CPS1: variants seen among roughly 807,000 people sequenced by gnomAD.
CPS1 encodes carbamoyl-phosphate synthase [ammonia], mitochondrial.
Under a neutral mutation model 174.6 loss-of-function variants are expected in CPS1, and 109 were observed. The observed-to-expected ratio is 0.62, with a 90% CI of 0.53 to 0.73. The LOEUF (loss-of-function observed/expected upper bound fraction) is 0.73. Ranked by LOEUF, CPS1 falls within the 30% of genes least tolerant of loss-of-function variation. CPS1 has a pLI of 0.00. For synonymous variants in CPS1, 637 were observed against 632.0 expected, an observed-to-expected ratio of 1.01 and a Z score of -0.12; for missense variants, 1,689 against 1,821.9, an observed-to-expected ratio of 0.93 and a Z score of 1.33.
chr2:210,579,847 GT>G, intron 5 of CPS1, 77 bp downstream of exon 5: 11 of 1,147,262 alleles, frequency 9.6e-6, no homozygotes, highest in East Asian at 2.3e-5. Context: ...GTTTCCCTCA[GT>G]GCCTAAGGGA....
chr2:210,532,708 A>G (rs946329422), intron 1 of CPS1, among the ~76,000 whole-genome samples: 1 of 152,184 alleles, frequency 6.6e-6, no homozygotes, highest in East Asian at 1.9e-4. Flanking sequence ...TTAGAAAATA[A>G]CTATTTCTAA....
At chr2:210,551,004 A>G (rs985234861) in intron 1 of CPS1, among the ~76,000 whole-genome samples, 19 of 151,916 alleles carry the variant, frequency 1.3e-4, no homozygotes, top group African/African-American at 4.1e-4. Context: ...TCTGCTTTCT[A>G]TATTGGGATT....
At chr2:210,606,030 A>G (rs1698895998) in intron 17 of CPS1, among the ~76,000 whole-genome samples, 1 of 151,930 alleles carries the variant, frequency 6.6e-6, no homozygotes, top group African/African-American at 2.4e-5. Flanking sequence ...TTTATAAAAG[A>G]GCTTTGTTTT....
At chr2:210,485,434 A>G (rs1389240864) in intron 1 of CPS1, among the ~76,000 whole-genome samples, 1 of 152,000 alleles carries the variant, frequency 6.6e-6, no homozygotes, top group East Asian at 1.9e-4. Context: ...CCTGTTTTCC[A>G]CTGACAATCT....
chr2:210,489,694 G>C (rs552129494), intron 1 of CPS1, among the ~76,000 whole-genome samples: 27 of 152,026 alleles, frequency 1.8e-4, no homozygotes, highest in African/African-American at 6.5e-4. Context: ...CAAGCTGTGG[G>C]ACTTCAATCA....
At chr2:210,506,234 G>A (rs899304245) in intron 1 of CPS1, among the ~76,000 whole-genome samples, 3 of 152,184 alleles carry the variant, frequency 2.0e-5, no homozygotes, top group South Asian at 2.1e-4. Context: ...GCCAATATCC[G>A]CTGTTCTGCA....
At chr2:210,662,217 A>G (rs931256517) in intron 32 of CPS1, among the ~76,000 whole-genome samples, 4 of 152,164 alleles carry the variant, frequency 2.6e-5, no homozygotes, top group Non-Finnish European at 5.9e-5. Context: ...TTTTAAATGC[A>G]CTGTATCTTC....
intron 6 of CPS1, among the ~76,000 whole-genome samples, chr2:210,584,601 G>A (rs960028103): frequency 2.0e-5 from 3 of 151,964 alleles, no homozygotes; most frequent in African/African-American, 7.2e-5. Context: ...TAACAACCAA[G>A]CTTTTTTGAA....
rs756701188 is a variant in CPS1 at position 210,660,487 on chromosome 2, G to A, written c.3759G>A (p.Val1253=). 1.9e-6 allele frequency: 3 copies of A among 1,614,068 alleles called. No homozygotes were observed. The Admixed American group carries it at 5.0e-5, about 27-fold the overall frequency. ...CATTTTGAATTTTATCTCTTCAGGT[G>A]ATTGAGTGTAACTTGAGAGCTTCTC... ...QFLVKGNDVL[V]IECNLRASRS... The change falls in exon 32 of 38, where the codon GTG becomes GTA. Residue 1253 remains valine (V), a splice_region_variant and synonymous_variant. Transcript: ENST00000233072.
intron 13 of CPS1, among the ~76,000 whole-genome samples, chr2:210,599,117 A>G (rs1225607635): frequency 2.0e-5 from 3 of 151,878 alleles, no homozygotes; most frequent in Non-Finnish European, 2.9e-5. Flanking sequence ...AGCTTTGCCA[A>G]CAGTGGCAAA....
chr2:210,650,196 T>C (rs1033352481), intron 27 of CPS1, among the ~76,000 whole-genome samples, 167 bp from the exon 28 acceptor site: 11 of 152,224 alleles, frequency 7.2e-5, no homozygotes, highest in African/African-American at 2.2e-4. Flanking sequence ...TTTTATACTT[T>C]GGTTGATTGT....
chr2:210,571,855 T>TGTG (rs1697502586), intron 1 of CPS1, among the ~76,000 whole-genome samples: 1 of 139,646 alleles, frequency 7.2e-6, no homozygotes, highest in Non-Finnish European at 1.6e-5. Flanking sequence ...CTACTAAAGT[T>TGTG]TGTGTGTGTG....
chr2:210,540,040 G>T (rs185057439), intron 1 of CPS1, among the ~76,000 whole-genome samples: 1 of 152,172 alleles, frequency 6.6e-6, no homozygotes, highest in Admixed American at 6.6e-5. Context: ...CTGATGTGAC[G>T]TCTGTGTTTC....
chr2:210,622,361 A>G (rs918665111), intron 21 of CPS1, among the ~76,000 whole-genome samples: 10 of 151,810 alleles, frequency 6.6e-5, no homozygotes, highest in Non-Finnish European at 1.2e-4. Flanking sequence ...ATGTAAATAT[A>G]TTAAATATAT....
intron 1 of CPS1, among the ~76,000 whole-genome samples, chr2:210,548,264 C>T (rs1294051833): frequency 6.6e-6 from 1 of 151,982 alleles, no homozygotes. Context: ...TACTGCTTGA[C>T]CTCGACTTCT....
At chr2:210,565,338 C>T (rs764994462) in intron 1 of CPS1, among the ~76,000 whole-genome samples, 5 of 151,868 alleles carry the variant, frequency 3.3e-5, no homozygotes, top group Non-Finnish European at 7.4e-5. Flanking sequence ...AATTTTTCAC[C>T]GCTTATTTTA....
At chr2:210,493,298 T>C (rs1694915287) in intron 1 of CPS1, among the ~76,000 whole-genome samples, 1 of 152,212 alleles carries the variant, frequency 6.6e-6, no homozygotes. Flanking sequence ...AATGATGAGT[T>C]CATTGGACGA....
chr2:210,534,206 G>C (rs1696188861), intron 1 of CPS1, among the ~76,000 whole-genome samples: 1 of 152,156 alleles, frequency 6.6e-6, no homozygotes, highest in Non-Finnish European at 1.5e-5. Flanking sequence ...GCTCGCGAGG[G>C]GCTACTCATG....
At chr2:210,630,073 A>AAAAAACAAAAAAACAAAAC in intron 21 of CPS1, among the ~76,000 whole-genome samples, 1 of 134,330 alleles carries the variant, frequency 7.4e-6, no homozygotes, top group African/African-American at 2.6e-5. Context: ...ACTATGTCTC[A>AAAAAACAAAAAAACAAAAC]AAAAACAAAA....
Sources: gnomAD v4.1 joint callset for allele counts (sites outside exome capture counted in the v4.1 genomes callset) on GRCh38, gnomAD v4.1.1 for gene constraint, MANE v1.5 for transcripts, NCBI Gene and HGNC (gene_info 2026-07-23, HGNC 2026-07-21) for gene names.